Variants in SAMD5 observed in about 807,000 individuals in gnomAD.
SAMD5 encodes sterile alpha motif domain containing 5.
In SAMD5, 13 loss-of-function variants were observed where a neutral mutation model predicts 11.3. The ratio of observed to expected loss-of-function variants is 1.15; its 90% CI spans 0.75 to 1.83. SAMD5 has a LOEUF of 1.83. Ranked by LOEUF, SAMD5 falls within the 40% of genes most tolerant of loss-of-function variation. The probability of loss-of-function intolerance (pLI) is 0.00; values close to 1 mark genes in which losing one functional copy is unlikely to be tolerated. For synonymous variants in SAMD5, 129 were observed against 111.3 expected, an observed-to-expected ratio of 1.16 and a Z score of -1.00; for missense variants, 255 against 239.1, an observed-to-expected ratio of 1.07 and a Z score of -0.44.
chr6:147,784,307 C>T, the SAMD5 span, among the ~76,000 whole-genome samples: 2 of 152,096 alleles, frequency 1.3e-5, no homozygotes, highest in Admixed American at 6.5e-5. Flanking sequence ...TTAAATGACA[C>T]ACACATGTAA....
chr6:147,666,859 C>T (rs1290854062), intron 1 of SAMD5, among the ~76,000 whole-genome samples: 3 of 152,098 alleles, frequency 2.0e-5, no homozygotes, highest in Non-Finnish European at 2.9e-5. Flanking sequence ...TGTTTATTCC[C>T]GTAAATTACA....
At chr6:147,659,656 T>G (rs1197835520) in intron 1 of SAMD5, among the ~76,000 whole-genome samples, 1 of 152,232 alleles carries the variant, frequency 6.6e-6, no homozygotes, top group Non-Finnish European at 1.5e-5. Flanking sequence ...GAATTTCTGT[T>G]AAATTGCTTT....
At chr6:147,954,562 C>T in the SAMD5 span, among the ~76,000 whole-genome samples, 7 of 152,080 alleles carry the variant, frequency 4.6e-5, no homozygotes, top group Non-Finnish European at 7.4e-5. Flanking sequence ...CCATCACTCA[C>T]TGACTCAGCC....
At chr6:147,701,652 C>A (rs79474039) in intron 1 of SAMD5, among the ~76,000 whole-genome samples, 221 of 136,770 alleles carry the variant, frequency 1.6e-3, no homozygotes, top group East Asian at 3.0e-3. Flanking sequence ...TAGTCTGTCT[C>A]AAAAAAAAAA....
the SAMD5 span, among the ~76,000 whole-genome samples, chr6:147,854,308 C>A: frequency 4.6e-5 from 7 of 152,114 alleles, no homozygotes; most frequent in African/African-American, 1.7e-4. Context: ...TGGTCAGGAC[C>A]ACACTGAAAA....
intron 1 of SAMD5, among the ~76,000 whole-genome samples, chr6:147,578,265 G>T (rs1195247406): frequency 1.3e-5 from 2 of 152,130 alleles, no homozygotes; most frequent in African/African-American, 4.8e-5. Context: ...CTATTTAGTT[G>T]TGTTGTTAGT....
In SAMD5 at chr6:147,565,971, A is replaced by G; in HGVS notation, c.*1515A>G. 1 of 985,246 alleles carries G rather than the reference A, an allele frequency of 1.0e-6. No individual in the cohort carries two copies. The highest frequency in any genetic ancestry group is 1.2e-6 in the Non-Finnish European group (1 of 829,760). The allele number at this position is 985,246 out of a possible 1,614,324, so 61.0% of individuals were successfully genotyped here. On this transcript the variant is annotated 3_prime_UTR_variant, in exon 2 of 2. Transcript: ENST00000367474. ...AAGTTCCCATCGGCACCGTCATGGT[A>G]AGAAGAATAAGAAACTCTCAAAGGA...
At chr6:147,779,067 A>G in the SAMD5 span, among the ~76,000 whole-genome samples, 3 of 151,448 alleles carry the variant, frequency 2.0e-5, no homozygotes, top group African/African-American at 4.9e-5. Context: ...TGTTTTTGCC[A>G]TGTTAGACAC....
At chr6:147,783,407 G>C in the SAMD5 span, among the ~76,000 whole-genome samples, 27 of 150,964 alleles carry the variant, frequency 1.8e-4, no homozygotes, top group Non-Finnish European at 3.1e-4. Flanking sequence ...GGGTCGGGGC[G>C]GGGGGACATG....
At chr6:147,633,038 A>C (rs994675841) in intron 1 of SAMD5, among the ~76,000 whole-genome samples, 1 of 152,218 alleles carries the variant, frequency 6.6e-6, no homozygotes, top group Non-Finnish European at 1.5e-5. Context: ...CAGTGTTAAG[A>C]TGTAACCCTT....
the SAMD5 span, among the ~76,000 whole-genome samples, chr6:147,921,148 G>A: frequency 2.0e-5 from 3 of 152,172 alleles, no homozygotes; most frequent in Non-Finnish European, 4.4e-5. Flanking sequence ...GGAACTGAGA[G>A]TTGAGAAAAG....
chr6:147,549,983 G>A (rs972382189), intron 1 of SAMD5, among the ~76,000 whole-genome samples: 1 of 151,088 alleles, frequency 6.6e-6, no homozygotes, highest in Admixed American at 6.6e-5. Context: ...GATGGCTCAT[G>A]CCTGTAATCC....
At chr6:147,653,682 A>AT (rs897379088) in intron 1 of SAMD5, among the ~76,000 whole-genome samples, 20 of 152,306 alleles carry the variant, frequency 1.3e-4, no homozygotes, top group Admixed American at 7.2e-4. Context: ...CACAGAGCCT[A>AT]TTTTTTTAAA....
At chr6:147,917,790 C>T in the SAMD5 span, among the ~76,000 whole-genome samples, 1 of 152,156 alleles carries the variant, frequency 6.6e-6, no homozygotes, top group East Asian at 1.9e-4. Flanking sequence ...AGCCAGTTTT[C>T]CCAGCACCGT....
chr6:147,843,019 C>T, the SAMD5 span, among the ~76,000 whole-genome samples: 1 of 152,110 alleles, frequency 6.6e-6, no homozygotes, highest in Non-Finnish European at 1.5e-5. Context: ...GCCACCACGC[C>T]TAGCTAATTG....
At chr6:147,526,881 G>T (rs1273363694) in intron 1 of SAMD5, among the ~76,000 whole-genome samples, 1 of 152,162 alleles carries the variant, frequency 6.6e-6, no homozygotes, top group African/African-American at 2.4e-5. Context: ...AATGAGTTTA[G>T]AATTCATTCC....
At chr6:147,788,494 A>C in the SAMD5 span, among the ~76,000 whole-genome samples, 1 of 152,252 alleles carries the variant, frequency 6.6e-6, no homozygotes, top group African/African-American at 2.4e-5. Flanking sequence ...GGCTATAAAA[A>C]TACAAATATT....
At chr6:147,801,092 A>T in the SAMD5 span, among the ~76,000 whole-genome samples, 1 of 152,194 alleles carries the variant, frequency 6.6e-6, no homozygotes, top group African/African-American at 2.4e-5. Flanking sequence ...CTCTCCACAT[A>T]CGGTGCTCCT....
chr6:147,883,653 T>C, the SAMD5 span, among the ~76,000 whole-genome samples: 1 of 152,252 alleles, frequency 6.6e-6, no homozygotes, highest in Non-Finnish European at 1.5e-5. Flanking sequence ...ATTCAGCTTC[T>C]TCTCTTTGCA....
Sources: allele counts gnomAD v4.1 joint callset (sites outside exome capture counted in the v4.1 genomes callset), GRCh38; gene constraint gnomAD v4.1.1; transcripts MANE v1.5; gene names NCBI Gene and HGNC (gene_info 2026-07-23, HGNC 2026-07-21).